Variants in MGA observed in about 807,000 individuals in gnomAD.
MGA encodes the protein MAX gene-associated protein.
Under a neutral mutation model 261.1 loss-of-function variants are expected in MGA, and 40 were observed. That is an observed-to-expected ratio of 0.15 (90% CI 0.12 to 0.20). The LOEUF (loss-of-function observed/expected upper bound fraction) is 0.20. Ranked by LOEUF, MGA falls within the 10% of genes least tolerant of loss-of-function variation. MGA has a pLI of 1.00. For synonymous variants in MGA, 1,302 were observed against 1,290.6 expected (o/e 1.01, Z -0.19); for missense variants, 3,397 against 3,630.5 (o/e 0.94, Z 1.65).
chr15:41,705,975 A>T (rs1403413576), intron 5 of MGA, among the ~76,000 whole-genome samples: 1 of 152,194 alleles, frequency 6.6e-6, no homozygotes. Context: ...GCGGTGGCTC[A>T]GGCCTGTAAT....
At chr15:41,732,971 T>C (rs2061587042) in intron 11 of MGA, among the ~76,000 whole-genome samples, 1 of 152,180 alleles carries the variant, frequency 6.6e-6, no homozygotes, top group Non-Finnish European at 1.5e-5. Context: ...CTTTTTTCTT[T>C]TTTTAAAGAC....
chr15:41,716,082 A>G (rs1490945986), intron 9 of MGA, among the ~76,000 whole-genome samples: 1 of 151,984 alleles, frequency 6.6e-6, no homozygotes. Context: ...GGTACAGTTC[A>G]TTATAAAAAG....
At chr15:41,652,448 G>A (rs912130199) in intron 1 of MGA, among the ~76,000 whole-genome samples, 6 of 150,948 alleles carry the variant, frequency 4.0e-5, no homozygotes, top group South Asian at 2.1e-4. Flanking sequence ...TCACTGAAGC[G>A]TCAAACTTCT....
At chr15:41,720,595 G>A (rs1245325248) in intron 9 of MGA, among the ~76,000 whole-genome samples, 1 of 152,088 alleles carries the variant, frequency 6.6e-6, no homozygotes, top group African/African-American at 2.4e-5. Context: ...ACTTTGAGAG[G>A]CCGAGGTGGG....
In MGA at chr15:41,640,549, T is replaced by G. The variant is rs1023011746; in HGVS notation, c.-68+19251T>G. On this transcript the variant is annotated intron_variant, in intron 1 of 8. Transcript: ENST00000566718. ...TAGTTTTTTTTTTTGAGATGGAATCTCGCTCTGTCGCCCAGGCTGGAATAC... is the reference window on the plus strand; with the variant it reads ...TAGTTTTTTTTTTTGAGATGGAATCGCGCTCTGTCGCCCAGGCTGGAATAC... Among the ~76,000 whole-genome samples the G allele has an allele frequency of 6.6e-5, 10 of 152,242 alleles. No individual in the cohort carries two copies. In the East Asian group the frequency reaches 1.9e-3, roughly 29 times the overall value.
At chr15:41,703,383 C>A (rs2059955567) in intron 5 of MGA, among the ~76,000 whole-genome samples, 1 of 135,160 alleles carries the variant, frequency 7.4e-6, no homozygotes, top group African/African-American at 2.7e-5. Flanking sequence ...CCCCCCCACT[C>A]CCCACCCTCC....
At chr15:41,680,139 C>G in intron 2 of MGA, among the ~76,000 whole-genome samples, 1 of 152,154 alleles carries the variant, frequency 6.6e-6, no homozygotes, top group East Asian at 1.9e-4. Flanking sequence ...TGACCATGGT[C>G]CTACTGTATT....
rs2057937086 is a variant in MGA, at chr15:41,669,588, G to A, written c.694G>A (p.Glu232Lys). 1 of 1,613,980 alleles carries A rather than the reference G, an allele frequency of 6.2e-7. No homozygotes were observed. Among genetic ancestry groups the A allele is most frequent in the Non-Finnish European group, 8.5e-7 (1 of 1,179,882 alleles). ...CCACACTTTTACCTTCCCACAGACTGAATTCTTTGCAGTAACAGCTTATCA... is the reference window on the plus strand; with the variant it reads ...CCACACTTTTACCTTCCCACAGACTAAATTCTTTGCAGTAACAGCTTATCA... The change falls in exon 2 of 24, where the codon GAA becomes AAA. Residue 232 changes from glutamate to lysine, a missense_variant. Coordinates refer to ENST00000219905, the MANE Select transcript of MGA (RefSeq NM_001164273.2).
intron 1 of MGA, among the ~76,000 whole-genome samples, chr15:41,648,665 G>A (rs1449305825): frequency 6.6e-6 from 1 of 152,148 alleles, no homozygotes; most frequent in African/African-American, 2.4e-5. Flanking sequence ...GCCCTTCTCT[G>A]AGAAAATGTT....
chr15:41,637,204 A>G (rs2150588422), intron 1 of MGA, among the ~76,000 whole-genome samples: 1 of 152,270 alleles, frequency 6.6e-6, no homozygotes, highest in Admixed American at 6.5e-5. Flanking sequence ...GGCATAGTGG[A>G]AAGATTTGGG....
chr15:41,706,343 A>G (rs2060112021), intron 5 of MGA, among the ~76,000 whole-genome samples: 1 of 149,338 alleles, frequency 6.7e-6, no homozygotes, highest in Admixed American at 6.6e-5. Flanking sequence ...TTTTTTTTTA[A>G]GAGATGTGGT....
At chr15:41,681,911 C>G (rs1466045923) in intron 2 of MGA, among the ~76,000 whole-genome samples, 2 of 151,752 alleles carry the variant, frequency 1.3e-5, no homozygotes, top group Non-Finnish European at 1.5e-5. Flanking sequence ...CTTATTCTAC[C>G]CACATTTGTT....
At chr15:41,674,755 T>C (rs2058285217) in intron 2 of MGA, among the ~76,000 whole-genome samples, 1 of 152,196 alleles carries the variant, frequency 6.6e-6, no homozygotes, top group Admixed American at 6.5e-5. Context: ...CTTGACCTCT[T>C]GATCCGCCCG....
intron 2 of MGA, among the ~76,000 whole-genome samples, chr15:41,673,098 A>AT (rs1188231269): frequency 4.0e-5 from 6 of 151,748 alleles, no homozygotes; most frequent in African/African-American, 1.2e-4. Context: ...CTAACTCTTG[A>AT]TTTTTTCCCT....
In MGA at chr15:41,754,501, T is replaced by G; in HGVS notation, c.7073T>G (p.Leu2358Arg). The G allele has an allele frequency of 6.3e-7, 1 of 1,576,004 alleles. No individual in the cohort carries two copies. Among genetic ancestry groups the G allele is most frequent in the Non-Finnish European group, 8.6e-7 (1 of 1,158,810 alleles). ...GTGGACATTGAGACTGTAGAAGAGC[T>G]CTCAGAGGAAATTAATGTTGCTCAC... Residue 2358 changes from leucine to arginine, a missense_variant, in exon 18 of 24, where the codon CTC (leucine) becomes CGC (arginine). By Grantham distance (102) the Leu-to-Arg change is moderately radical. Around this residue, in one of 9 missense-constraint regions of MGA, gnomAD observed 1,410 missense variants for 1,386.4 expected, o/e 1.02. Transcript: ENST00000219905.
chr15:41,621,401 C>T (rs1333657922), intron 1 of MGA: 2 of 152,330 alleles, frequency 1.3e-5, no homozygotes, highest in African/African-American at 4.8e-5. Context: ...ACTACCCTCC[C>T]TCTCCGCGTG....
chr15:41,736,789 TTTATC>T (rs2061801436), intron 13 of MGA, 91 bp downstream of exon 13: 8 of 1,340,172 alleles, frequency 6.0e-6, no homozygotes, highest in Non-Finnish European at 7.9e-6. Flanking sequence ...CCTGATATCC[TTTATC>T]TTGACATTTC....
At chr15:41,729,438 C>G in intron 11 of MGA, 89 bp downstream of exon 11, 1 of 1,283,498 alleles carries the variant, frequency 7.8e-7, no homozygotes, top group Non-Finnish European at 1.1e-6. Flanking sequence ...TAATAATTAT[C>G]CTACAGGGCA....
At chr15:41,686,481 A>G (rs2058977832) in intron 2 of MGA, among the ~76,000 whole-genome samples, 1 of 152,168 alleles carries the variant, frequency 6.6e-6, no homozygotes, top group Non-Finnish European at 1.5e-5. Flanking sequence ...GGTTGCAGTG[A>G]GCCATGGTTG....
Sources: gnomAD v4.1 joint callset for allele counts (sites outside exome capture counted in the v4.1 genomes callset) on GRCh38, gnomAD v4.1.1 for gene constraint, gnomAD v4.1.1 regional missense constraint, MANE v1.5 for transcripts, NCBI Gene and HGNC (gene_info 2026-07-23, HGNC 2026-07-21) for gene names.